FOXK1: variants seen among roughly 807,000 people sequenced by gnomAD.
FOXK1 encodes the protein forkhead box K1, also known as forkhead box protein K1.
A neutral mutation model predicts 51.9 loss-of-function variants in FOXK1; 19 were observed. The observed-to-expected ratio is 0.37, with a 90% CI of 0.26 to 0.54. The LOEUF (loss-of-function observed/expected upper bound fraction) is 0.54, where lower values mean the gene tolerates loss of function less well. Ranked by LOEUF, FOXK1 falls within the 20% of genes least tolerant of loss-of-function variation. The pLI, the probability that FOXK1 is intolerant of heterozygous loss-of-function variation, is 0.87. For missense variants in FOXK1, 870 were observed against 1,032.7 expected (o/e 0.84, Z 2.16); for synonymous variants, 537 against 482.6 (o/e 1.11, Z -1.48).
rs930151271 is a variant in FOXK1, at chr7:4,722,547, G to A, written c.561-18291G>A. Among the ~76,000 whole-genome samples, 10 of 152,224 alleles carry A rather than the reference G, an allele frequency of 6.6e-5. No homozygotes were observed. The highest frequency in any genetic ancestry group is 2.2e-4 in the African/African-American group (9 of 41,462). On this transcript the variant is annotated intron_variant, in intron 1 of 8. Coordinates refer to ENST00000328914, the MANE Select transcript of FOXK1 (RefSeq NM_001037165.2). This position sits in a 1 kb window ranked among gnomAD's most constrained non-coding sequence, Gnocchi z 5.1. Reference sequence around the variant, plus strand: ...TGCTGGGACGGGTACACTCGTGCCTGTTAACCGCACACCTGCGTGCAGCAC... The same window carrying A: ...TGCTGGGACGGGTACACTCGTGCCTATTAACCGCACACCTGCGTGCAGCAC...
In FOXK1 at chr7:4,770,887, G is replaced by A. The variant is rs1781090001; in HGVS notation, c.*8423G>A. 6.6e-6 allele frequency: 1 copy of A among 151,016 alleles called. No individual in the cohort carries two copies. 9.4% of individuals were successfully genotyped at this position (151,016 alleles called of 1,614,324 possible). On this transcript the variant is annotated 3_prime_UTR_variant, in exon 9 of 9. Coordinates refer to ENST00000328914, the MANE Select transcript of FOXK1 (RefSeq NM_001037165.2). Reference sequence around the variant, plus strand: ...TCGGTGTGTGTGTGTGTGTGTGTGTGTGTGTGTGTGTGTGTATTTTTTTTT... The same window carrying A: ...TCGGTGTGTGTGTGTGTGTGTGTGTATGTGTGTGTGTGTGTATTTTTTTTT...
At chr7:4,721,145 T>C (rs1245783918) in intron 1 of FOXK1, among the ~76,000 whole-genome samples, 2 of 152,216 alleles carry the variant, frequency 1.3e-5, no homozygotes, top group African/African-American at 4.8e-5. Flanking sequence ...GCAGCCTCCC[T>C]CTGTGCATCA....
chr7:4,745,844 T>C lies in FOXK1; in HGVS notation c.746+4821T>C, dbSNP rs548136747. Among the ~76,000 whole-genome samples the C allele has an allele frequency of 4.0e-5, 6 of 151,722 alleles. No individual in the cohort carries two copies. Among genetic ancestry groups the C allele is most frequent in the African/African-American group, 1.2e-4 (5 of 41,358 alleles). ...GGCAGAGGTTGCAGTGAACCAAGAT[T>C]GCACCACTCCAGACTGGGCGGCAGA... On this transcript the variant is annotated intron_variant, in intron 2 of 8. Transcript: ENST00000328914. This position sits in a 1 kb window ranked among gnomAD's most constrained non-coding sequence, Gnocchi z 4.3.
intron 7 of FOXK1, chr7:4,759,882 T>C: frequency 3.9e-6 from 2 of 512,704 alleles, no homozygotes; most frequent in South Asian, 2.5e-5. Context: ...AATACAAAAA[T>C]TAGCCAGGCA....
chr7:4,714,557 G>A (rs538221078), intron 1 of FOXK1, among the ~76,000 whole-genome samples: 1 of 152,220 alleles, frequency 6.6e-6, no homozygotes, highest in Non-Finnish European at 1.5e-5. Flanking sequence ...TTACGGGCGT[G>A]AGCCACCAGC....
At chr7:4,746,788 C>T (rs1339914961) in intron 2 of FOXK1, among the ~76,000 whole-genome samples, 2 of 152,250 alleles carry the variant, frequency 1.3e-5, no homozygotes, top group Non-Finnish European at 2.9e-5. Flanking sequence ...TGAATCACCC[C>T]TAGCGGGAAT....
chr7:4,701,315 G>A (rs1780019170), intron 1 of FOXK1, among the ~76,000 whole-genome samples: 1 of 152,180 alleles, frequency 6.6e-6, no homozygotes, highest in African/African-American at 2.4e-5. Context: ...CGTTTGTTGG[G>A]TACAGAGACT....
intron 1 of FOXK1, among the ~76,000 whole-genome samples, chr7:4,736,728 G>T (rs1780557414): frequency 6.6e-6 from 1 of 152,164 alleles, no homozygotes; most frequent in Admixed American, 6.5e-5. Context: ...ATCAGGTTTT[G>T]AACTGGAAAG....
At chr7:4,719,492 A>T (rs767565543) in intron 1 of FOXK1, among the ~76,000 whole-genome samples, 4 of 150,412 alleles carry the variant, frequency 2.7e-5, no homozygotes, top group African/African-American at 4.9e-5. Context: ...TACACTGCAC[A>T]TATTTTTTTG....
In FOXK1 at chr7:4,745,138, C is replaced by A. The variant is rs1237393779; in HGVS notation, c.746+4115C>A. Among the ~76,000 whole-genome samples the A allele has an allele frequency of 6.6e-6, 1 of 152,230 alleles. No individual in the cohort carries two copies. Among genetic ancestry groups the A allele is most frequent in the Admixed American group, 6.5e-5 (1 of 15,286 alleles). On this transcript the variant is annotated intron_variant, in intron 2 of 8. Transcript: ENST00000328914. This position sits in a 1 kb window ranked among gnomAD's most constrained non-coding sequence, Gnocchi z 4.3. ...TCCCTAACAGATCGGGAGGTGGGAG[C>A]GGGGCCAGGCCAGAAGAGCTGGCTG... is the stretch of plus-strand genomic sequence containing the variant.
rs1780512760 is a variant in FOXK1, at chr7:4,733,798, G to A, written c.561-7040G>A. Among the ~76,000 whole-genome samples the A allele has an allele frequency of 6.6e-6, 1 of 152,212 alleles. No homozygotes were observed. The highest frequency in any genetic ancestry group is 1.9e-4 in the East Asian group (1 of 5,192). ...CTCTCACGGGAGAGGCTGCTCTGAG[G>A]TCCCCGAAGCTGCAGGCTGGGTGGG... On this transcript the variant is annotated intron_variant, in intron 1 of 8. Coordinates refer to ENST00000328914, the MANE Select transcript of FOXK1 (RefSeq NM_001037165.2). This position sits in a 1 kb window ranked among gnomAD's most constrained non-coding sequence, Gnocchi z 5.0.
rs1041124934 is a variant in FOXK1 at position 4,732,245 on chromosome 7, C to G, written c.561-8593C>G. Reference sequence around the variant, plus strand: ...GTCCACAAGAACTCTGATTATGCACCATCATTACCCCAGTTTGGCTGATGA... The same window carrying G: ...GTCCACAAGAACTCTGATTATGCACGATCATTACCCCAGTTTGGCTGATGA... On this transcript the variant is annotated intron_variant, in intron 1 of 8. Coordinates refer to ENST00000328914, the MANE Select transcript of FOXK1 (RefSeq NM_001037165.2). Among the ~76,000 whole-genome samples the G allele has an allele frequency of 2.0e-5, 3 of 152,196 alleles. No individual in the cohort carries two copies. In the East Asian group the frequency reaches 5.8e-4, roughly 29 times the overall value.
In FOXK1 at chr7:4,733,971, G is replaced by GCTGGCCACGTGGAGTCTGCCCTC. The variant is rs557684468; in HGVS notation, c.561-6865_561-6843dup. 0.021 allele frequency among the ~76,000 whole-genome samples: 3,137 copies of GCTGGCCACGTGGAGTCTGCCCTC among 152,270 alleles called. 106 individuals carry two copies. The highest frequency in any genetic ancestry group is 0.072 in the African/African-American group (2,998 of 41,512). On this transcript the variant is annotated intron_variant, in intron 1 of 8. Coordinates refer to ENST00000328914, the MANE Select transcript of FOXK1 (RefSeq NM_001037165.2). The surrounding 1 kb of genome is among the most constrained non-coding windows in gnomAD (Gnocchi z 5.0). ...CCCAGAGCTCATCTGGGTGGCAGGT[G>GCTGGCCACGTGGAGTCTGCCCTC]CTGGCCACGTGGAGTCTGCCCTCCA...
At position 4,759,600 on chromosome 7, in the gene FOXK1, T is replaced by A. The variant is rs1583213036; in HGVS notation, c.1696+5T>A. 1 of 1,533,238 alleles carries A rather than the reference T, an allele frequency of 6.5e-7. No individual in the cohort carries two copies. Among genetic ancestry groups the A allele is most frequent in the Non-Finnish European group, 8.7e-7 (1 of 1,144,752 alleles). The allele number at this position is 1,533,238 out of a possible 1,614,324, so 95.0% of individuals were successfully genotyped here. On this transcript the variant is annotated splice_donor_5th_base_variant and intron_variant, in intron 7 of 8. Transcript: ENST00000328914. Reference sequence around the variant, plus strand: ...ACCTGGGCAGCGAGGCCAGAGGTAATGCAGCCGCGGCTGGCAGCCTTCGCA... The same window carrying A: ...ACCTGGGCAGCGAGGCCAGAGGTAAAGCAGCCGCGGCTGGCAGCCTTCGCA...
intron 1 of FOXK1, among the ~76,000 whole-genome samples, chr7:4,698,548 C>A (rs1779981174): frequency 6.6e-6 from 1 of 151,982 alleles, no homozygotes; most frequent in Admixed American, 6.6e-5. Context: ...AGTCCACGTA[C>A]CTCTTTGTTG....
At chr7:4,728,018 C>T (rs1257957548) in intron 1 of FOXK1, among the ~76,000 whole-genome samples, 15 of 152,184 alleles carry the variant, frequency 9.9e-5, no homozygotes, top group Admixed American at 9.2e-4. Context: ...TTTCCAGGGG[C>T]CCTTCCCCAG....
chr7:4,740,703 G>C, intron 1 of FOXK1, 135 bp from the exon 2 acceptor site: 1 of 820,624 alleles, frequency 1.2e-6, no homozygotes, highest in Middle Eastern at 2.4e-4. Context: ...TAAAAGCATC[G>C]AAACTGCTCT....
Position 4,682,524 on chromosome 7 carries a change from G to A in FOXK1, c.216G>A (p.Gly72=). The change falls in exon 1 of 9, where the codon GGG becomes GGA. Residue 72 remains glycine, a synonymous_variant. Transcript: ENST00000328914. This position sits in a 1 kb window ranked among gnomAD's most constrained non-coding sequence, Gnocchi z 7.6. ...PGAIAGAGSS[G]GSSGVSGDSA... ...CGATCGCGGGCGCGGGCTCCTCCGG[G>A]GGCTCCTCCGGGGTATCCGGGGACT... is the stretch of plus-strand genomic sequence containing the variant. 9.0e-7 allele frequency: 1 copy of A among 1,105,220 alleles called. No individual in the cohort carries two copies. The highest frequency in any genetic ancestry group is 1.1e-6 in the Non-Finnish European group (1 of 909,452). The allele number at this position is 1,105,220 out of a possible 1,614,324, so 68.5% of individuals were successfully genotyped here.
In FOXK1 at chr7:4,722,582, C is replaced by T. The variant is rs1018095610; in HGVS notation, c.561-18256C>T. On this transcript the variant is annotated intron_variant, in intron 1 of 8. Coordinates refer to ENST00000328914, the MANE Select transcript of FOXK1 (RefSeq NM_001037165.2). This position sits in a 1 kb window ranked among gnomAD's most constrained non-coding sequence, Gnocchi z 5.1. ...CACCTGCGTGCAGCACGGGCACACT[C>T]GTATACAACGGGCACACATGCACGT... 6.6e-6 allele frequency among the ~76,000 whole-genome samples: 1 copy of T among 152,226 alleles called. No homozygotes were observed. The highest frequency in any genetic ancestry group is 1.5e-5 in the Non-Finnish European group (1 of 68,052).
Sources: gnomAD v4.1 joint callset for allele counts (sites outside exome capture counted in the v4.1 genomes callset) on GRCh38, gnomAD v4.1.1 for gene constraint, Gnocchi (gnomAD v3.1) non-coding constraint, MANE v1.5 for transcripts, NCBI Gene and HGNC (gene_info 2026-07-23, HGNC 2026-07-21) for gene names.